The following STPG2 variants were observed in gnomAD, a reference collection of about 807,000 sequenced individuals.
STPG2 encodes sperm-tail PG-rich repeat-containing protein 2.
In STPG2, 56 loss-of-function variants were observed where a neutral mutation model predicts 54.2. The observed-to-expected ratio is 1.03, with a 90% CI of 0.83 to 1.29. The LOEUF (loss-of-function observed/expected upper bound fraction) is 1.29. Ranked by LOEUF, STPG2 falls within the 50% of genes most tolerant of loss-of-function variation. The pLI, the probability that STPG2 is intolerant of heterozygous loss-of-function variation, is 0.00. For missense variants in STPG2, 596 were observed against 544.9 expected, an observed-to-expected ratio of 1.09 and a Z score of -0.93; for synonymous variants, 200 against 181.8, an observed-to-expected ratio of 1.10 and a Z score of -0.81.
At chr4:97,804,613 T>A (rs980566195) in intron 9 of STPG2, among the ~76,000 whole-genome samples, 1 of 152,126 alleles carries the variant, frequency 6.6e-6, no homozygotes, top group Admixed American at 6.5e-5. Context: ...GTAGAAAAGT[T>A]AGAGTAGGCT....
chr4:98,069,905 T>G (rs931300702), intron 5 of STPG2, among the ~76,000 whole-genome samples: 14 of 151,902 alleles, frequency 9.2e-5, no homozygotes, highest in African/African-American at 3.4e-4. Context: ...TCCCTGGAAG[T>G]AAGGATGGGC....
At chr4:97,657,186 A>C (rs1722241162) in intron 10 of STPG2, among the ~76,000 whole-genome samples, 1 of 152,276 alleles carries the variant, frequency 6.6e-6, no homozygotes, top group African/African-American at 2.4e-5. Flanking sequence ...ATAAAAAAAT[A>C]AAATAACTCC....
chr4:97,545,557 A>G (rs1553936380), intron 4 of STPG2, among the ~76,000 whole-genome samples: 1 of 152,142 alleles, frequency 6.6e-6, no homozygotes, highest in Non-Finnish European at 1.5e-5. Context: ...GAGTGGAAAT[A>G]AGTTTCAAAT....
chr4:98,057,084 G>A (rs1737507387), intron 5 of STPG2, among the ~76,000 whole-genome samples: 1 of 152,166 alleles, frequency 6.6e-6, no homozygotes, highest in South Asian at 2.1e-4. Flanking sequence ...AGGTAGGTAA[G>A]CCCACAAAGA....
Position 98,089,187 on chromosome 4 carries a change from T to A in STPG2, c.612+16766A>T, listed in dbSNP as rs969391396. Among the ~76,000 whole-genome samples the A allele has an allele frequency of 3.9e-5, 6 of 152,092 alleles. No individual in the cohort carries two copies. In the East Asian group the frequency reaches 1.2e-3, roughly 29 times the overall value. On this transcript the variant is annotated intron_variant, in intron 5 of 10. Coordinates refer to ENST00000295268, the MANE Select transcript of STPG2 (RefSeq NM_174952.3). ...TGTATACTGTACCCAGTAGGTAGTCTTTATCCATGACCCCCCTCCCAACCT... is the reference window on the plus strand; with the variant it reads ...TGTATACTGTACCCAGTAGGTAGTCATTATCCATGACCCCCCTCCCAACCT...
intron 5 of STPG2, among the ~76,000 whole-genome samples, chr4:98,070,118 A>G (rs988317718): frequency 1.3e-5 from 2 of 152,056 alleles, no homozygotes; most frequent in Non-Finnish European, 2.9e-5. Flanking sequence ...AAATTCCTCA[A>G]AAAAATACTA....
intron 5 of STPG2, among the ~76,000 whole-genome samples, chr4:98,086,905 T>C (rs1738535328): frequency 6.6e-6 from 1 of 152,200 alleles, no homozygotes; most frequent in African/African-American, 2.4e-5. Context: ...TCACTATCTA[T>C]AACATACTAT....
At chr4:97,783,359 T>C (rs1726714423) in intron 9 of STPG2, among the ~76,000 whole-genome samples, 1 of 152,062 alleles carries the variant, frequency 6.6e-6, no homozygotes. Context: ...GAAATGCAAA[T>C]CAAAACCAAG....
rs531913998 is a variant in STPG2, at chr4:97,885,356, A to T, written c.1045-44424T>A. On this transcript the variant is annotated intron_variant, in intron 8 of 10. Coordinates refer to ENST00000295268, the MANE Select transcript of STPG2 (RefSeq NM_174952.3). ...TGCCACTGCAACTGGGCATCATGAC[A>T]TCCCCAGAATAACAAATTCTATTTT... Among the ~76,000 whole-genome samples, 266 of 152,336 alleles carry T rather than the reference A, an allele frequency of 1.7e-3. 2 individuals carry two copies. The highest frequency in any genetic ancestry group is 6.0e-3 in the African/African-American group (248 of 41,594).
rs1468064253 is a variant in STPG2, at chr4:97,924,698, GT to G, written c.1044+19198del. On this transcript the variant is annotated intron_variant, in intron 8 of 10. Coordinates refer to ENST00000295268, the MANE Select transcript of STPG2 (RefSeq NM_174952.3). ...TTTGAAGTCAATTTTTAAATGTCAT[GT>G]TTTATTCGTCATAAATTTGATATAA... 6.6e-5 allele frequency among the ~76,000 whole-genome samples: 10 copies of G among 152,272 alleles called. No homozygotes were observed. The East Asian group carries it at 1.9e-3, about 29-fold the overall frequency.
intron 4 of STPG2, among the ~76,000 whole-genome samples, chr4:97,529,207 A>C (rs1731357829): frequency 6.6e-6 from 1 of 152,018 alleles, no homozygotes; most frequent in African/African-American, 2.4e-5. Context: ...GTTGAATTTT[A>C]TCGAATGCCT....
At chr4:98,071,603 A>C (rs1392840847) in intron 5 of STPG2, among the ~76,000 whole-genome samples, 1 of 152,228 alleles carries the variant, frequency 6.6e-6, no homozygotes, top group Non-Finnish European at 1.5e-5. Flanking sequence ...ACAGCAAAGG[A>C]AACTATCATC....
At chr4:97,923,387 C>T (rs1005132155) in intron 8 of STPG2, among the ~76,000 whole-genome samples, 1 of 152,122 alleles carries the variant, frequency 6.6e-6, no homozygotes, top group East Asian at 1.9e-4. Context: ...CATCGACTGC[C>T]CAAGGGCTAA....
chr4:97,779,330 C>A (rs1282710187), intron 9 of STPG2, among the ~76,000 whole-genome samples: 1 of 151,934 alleles, frequency 6.6e-6, no homozygotes, highest in Non-Finnish European at 1.5e-5. Flanking sequence ...GAAAGGGTAT[C>A]AGTGATTGAA....
chr4:97,480,320 A>G (rs1730186922), intron 4 of STPG2, among the ~76,000 whole-genome samples: 1 of 151,628 alleles, frequency 6.6e-6, no homozygotes, highest in African/African-American at 2.4e-5. Context: ...TTACCCATTT[A>G]AAAAAAGAAA....
At chr4:97,945,718 TG>T (rs145055363) in intron 7 of STPG2, among the ~76,000 whole-genome samples, 8,308 of 151,328 alleles carry the variant, frequency 0.055, 337 homozygotes, top group South Asian at 0.17. Context: ...CAACATCTAT[TG>T]TTTTTTTGGG....
At chr4:97,701,611 G>C (rs1723776852) in intron 10 of STPG2, among the ~76,000 whole-genome samples, 1 of 152,188 alleles carries the variant, frequency 6.6e-6, no homozygotes, top group Non-Finnish European at 1.5e-5. Flanking sequence ...CTCAAGTCTG[G>C]AAATTGATTG....
At chr4:97,734,864 A>C (rs959164771) in intron 9 of STPG2, among the ~76,000 whole-genome samples, 5 of 152,128 alleles carry the variant, frequency 3.3e-5, no homozygotes, top group African/African-American at 9.7e-5. Context: ...CAAGGTCAGC[A>C]GATCGAGACC....
Position 98,143,337 on chromosome 4 carries a change from A to G in STPG2, c.-187T>C. On this transcript the variant is annotated 5_prime_UTR_variant, in exon 1 of 11. Coordinates refer to ENST00000295268, the MANE Select transcript of STPG2 (RefSeq NM_174952.3). The stretch of plus-strand genomic sequence containing the variant: ...CGCTCATTGATACCAGATTTCCTCA[A>G]ATCGATTTCTAGCTCTGTGGTAAAG... 1 of 578,674 alleles carries G rather than the reference A, an allele frequency of 1.7e-6. No homozygotes were observed. Among genetic ancestry groups the G allele is most frequent in the Non-Finnish European group, 3.1e-6 (1 of 322,816 alleles). The allele number at this position is 578,674 out of a possible 1,614,324, so 35.8% of individuals were successfully genotyped here. A position where few individuals can be genotyped will look rare whatever the true frequency, so the allele number is the denominator to read the frequency against.
Sources: allele counts gnomAD v4.1 joint callset (sites outside exome capture counted in the v4.1 genomes callset), GRCh38; gene constraint gnomAD v4.1.1; transcripts MANE v1.5; gene names NCBI Gene and HGNC (gene_info 2026-07-23, HGNC 2026-07-21).